The following SLC12A2 variants were observed in gnomAD, a reference collection of about 807,000 sequenced individuals.
The protein encoded by SLC12A2 is Na-K-2Cl cotransporter 1.
A neutral mutation model predicts 136.3 loss-of-function variants in SLC12A2; 67 were observed. The ratio of observed to expected loss-of-function variants is 0.49; its 90% CI spans 0.40 to 0.60. The LOEUF is 0.60. Among genes scored for constraint, SLC12A2 ranks in the 20% least tolerant of loss-of-function variants. The pLI is 0.00. For missense variants in SLC12A2, 1,322 were observed against 1,534.7 expected, an observed-to-expected ratio of 0.86 and a Z score of 2.32; for synonymous variants, 619 against 562.9, an observed-to-expected ratio of 1.10 and a Z score of -1.41.
At chr5:128,104,418 G>A (rs979812488) in intron 1 of SLC12A2, among the ~76,000 whole-genome samples, 5 of 152,026 alleles carry the variant, frequency 3.3e-5, no homozygotes, top group African/African-American at 1.2e-4. Flanking sequence ...GATCACTTGA[G>A]GTCAGGAAAG....
rs967751117 is a variant in SLC12A2, at chr5:128,188,625, G to T, written c.*1994G>T. ...ATGAATCTTGATAGACATCTATAAC[G>T]TTATTATTTTCAGTGGTGTGCAGCA... On this transcript the variant is annotated 3_prime_UTR_variant, in exon 27 of 27. Transcript: ENST00000262461. 2 of 150,662 alleles carry T rather than the reference G, an allele frequency of 1.3e-5. No homozygotes were observed. Among genetic ancestry groups the T allele is most frequent in the Admixed American group, 1.3e-4 (2 of 15,050 alleles). 9.3% of individuals were successfully genotyped at this position (150,662 alleles called of 1,614,324 possible).
In SLC12A2 at chr5:128,188,227, G is replaced by A. The variant is rs1029170368; in HGVS notation, c.*1596G>A. ...TGGAGAATACTTCGCCTAAAATACT[G>A]TTAAGTGGGTTAATTGATACAAGTT... On this transcript the variant is annotated 3_prime_UTR_variant, in exon 27 of 27. Coordinates refer to ENST00000262461, the MANE Select transcript of SLC12A2 (RefSeq NM_001046.3). The A allele has an allele frequency of 2.0e-5, 3 of 147,250 alleles. No homozygotes were observed. The highest frequency in any genetic ancestry group is 5.0e-5 in the African/African-American group (2 of 39,786). The allele number at this position is 147,250 out of a possible 1,614,324, so 9.1% of individuals were successfully genotyped here.
chr5:128,083,768 ACTCGCGCG>A lies in SLC12A2; in HGVS notation c.-181_-174del, dbSNP rs1423068974. On this transcript the variant is annotated 5_prime_UTR_variant, in exon 1 of 27. Transcript: ENST00000262461. ...GCGGGGCCCGCCCCGCGCCCGCCACACTCGCGCGCTCGCTCGGCTGCCGGTGGCCTCTG... is the reference window on the plus strand; with the variant it reads ...GCGGGGCCCGCCCCGCGCCCGCCACACTCGCTCGGCTGCCGGTGGCCTCTG... The A allele has an allele frequency of 4.0e-4, 154 of 382,214 alleles. No individual in the cohort carries two copies. The highest frequency in any genetic ancestry group is 3.4e-4 in the Non-Finnish European group (76 of 223,034). 23.7% of individuals were successfully genotyped at this position (382,214 alleles called of 1,614,324 possible). A position where few individuals can be genotyped will look rare whatever the true frequency, so the allele number is the denominator to read the frequency against.
At chr5:128,103,130 G>A (rs979298990) in intron 1 of SLC12A2, among the ~76,000 whole-genome samples, 1 of 152,102 alleles carries the variant, frequency 6.6e-6, no homozygotes, top group East Asian at 1.9e-4. Context: ...CTGGGTTAAA[G>A]GTGTGCATTT....
chr5:128,159,094 C>T (rs889054963), intron 16 of SLC12A2, among the ~76,000 whole-genome samples: 1 of 151,448 alleles, frequency 6.6e-6, no homozygotes, highest in Admixed American at 6.6e-5. Context: ...GAATTTTGAG[C>T]TCTCATTGTT....
chr5:128,185,625 G>A (rs1460159830), intron 26 of SLC12A2, among the ~76,000 whole-genome samples: 1 of 152,134 alleles, frequency 6.6e-6, no homozygotes, highest in Admixed American at 6.5e-5. Context: ...ACAGCAATTG[G>A]TCACTGCTGC....
intron 10 of SLC12A2, among the ~76,000 whole-genome samples, chr5:128,144,853 C>T (rs1000301215): frequency 2.6e-4 from 39 of 152,054 alleles, no homozygotes; most frequent in African/African-American, 9.2e-4. Flanking sequence ...CAACACACAC[C>T]CCCACACAGA....
chr5:128,183,652 G>A lies in SLC12A2; in HGVS notation c.3299+711G>A, dbSNP rs189759345. 5.1e-3 allele frequency among the ~76,000 whole-genome samples: 780 copies of A among 151,752 alleles called. 1 individual carries two copies. Among genetic ancestry groups the A allele is most frequent in the Non-Finnish European group, 8.5e-3 (578 of 67,808 alleles). On this transcript the variant is annotated intron_variant, in intron 24 of 26. Coordinates refer to ENST00000262461, the MANE Select transcript of SLC12A2 (RefSeq NM_001046.3). Reference sequence around the variant, plus strand: ...ATCTTTGGATGTAGAAATTAATTTTGCATTTCCTTAAATTTTTAGTGTCTG... The same window carrying A: ...ATCTTTGGATGTAGAAATTAATTTTACATTTCCTTAAATTTTTAGTGTCTG...
At chr5:128,161,825 T>C in intron 17 of SLC12A2, 25 bp downstream of exon 17, 5 of 1,380,796 alleles carry the variant, frequency 3.6e-6, no homozygotes, top group Non-Finnish European at 4.7e-6. Flanking sequence ...GCTTTTCAAA[T>C]GCCTACATTT....
At chr5:128,110,531 C>T in intron 1 of SLC12A2, 1 of 1,405,258 alleles carries the variant, frequency 7.1e-7, no homozygotes, top group South Asian at 1.2e-5. Flanking sequence ...CTGTATGGTC[C>T]CATTGTGAAA....
Position 128,178,563 on chromosome 5 carries a change from T to A in SLC12A2, c.2978-4T>A. Reference sequence around the variant, plus strand: ...TACATTTTATATTTTGCTTAATCCTTTAGAATCCAAAGGCCCTATTGTGCC... The same window carrying A: ...TACATTTTATATTTTGCTTAATCCTATAGAATCCAAAGGCCCTATTGTGCC... On this transcript the variant is annotated splice_polypyrimidine_tract_variant and splice_region_variant and intron_variant, in intron 21 of 26. Coordinates refer to ENST00000262461, the MANE Select transcript of SLC12A2 (RefSeq NM_001046.3). The A allele has an allele frequency of 6.4e-7, 1 of 1,556,766 alleles. No individual in the cohort carries two copies. Among genetic ancestry groups the A allele is most frequent in the Non-Finnish European group, 8.6e-7 (1 of 1,158,474 alleles).
At chr5:128,100,631 T>C (rs1238062827) in intron 1 of SLC12A2, among the ~76,000 whole-genome samples, 1 of 152,146 alleles carries the variant, frequency 6.6e-6, no homozygotes, top group East Asian at 1.9e-4. Flanking sequence ...TCCAGGTGTA[T>C]ACTAAAATGT....
At chr5:128,139,930 C>T (rs1037760174) in intron 9 of SLC12A2, among the ~76,000 whole-genome samples, 4 of 152,154 alleles carry the variant, frequency 2.6e-5, no homozygotes, top group Non-Finnish European at 4.4e-5. Flanking sequence ...TTTGAAATTT[C>T]ACTACATGAC....
intron 1 of SLC12A2, among the ~76,000 whole-genome samples, chr5:128,108,045 T>C (rs1761010382): frequency 6.6e-6 from 1 of 152,110 alleles, no homozygotes; most frequent in Non-Finnish European, 1.5e-5. Flanking sequence ...ATGATGAGCA[T>C]TTTTTCATAT....
intron 22 of SLC12A2, 51 bp downstream of exon 22, chr5:128,178,740 G>C (rs1763610030): frequency 7.1e-7 from 1 of 1,408,974 alleles, no homozygotes; most frequent in Non-Finnish European, 9.5e-7. Context: ...GACATTGTGA[G>C]AATAGTAAGA....
chr5:128,177,083 G>A (rs1387889293), intron 20 of SLC12A2, 22 bp from the exon 21 acceptor site: 1 of 1,508,068 alleles, frequency 6.6e-7, no homozygotes, highest in East Asian at 2.4e-5. Context: ...ACATATTTTT[G>A]TGTTTTTTAA....
chr5:128,112,776 A>T, intron 1 of SLC12A2, 38 bp from the exon 2 acceptor site: 2 of 1,516,234 alleles, frequency 1.3e-6, no homozygotes, highest in Non-Finnish European at 9.0e-7. Context: ...TTTAAATTTT[A>T]AATGTTAAGC....
chr5:128,131,038 GTTTT>G, intron 4 of SLC12A2, 25 bp from the exon 5 acceptor site: 1 of 1,604,950 alleles, frequency 6.2e-7, no homozygotes, highest in Non-Finnish European at 8.5e-7. Context: ...TTTAGTACCT[GTTTT>G]TTTTGTTTGT....
chr5:128,127,388 T>A (rs931019079), intron 4 of SLC12A2, among the ~76,000 whole-genome samples: 4 of 152,112 alleles, frequency 2.6e-5, no homozygotes, highest in Non-Finnish European at 4.4e-5. Context: ...GCCAAAGTGC[T>A]GGGATTACAG....
Sources: allele counts gnomAD v4.1 joint callset (sites outside exome capture counted in the v4.1 genomes callset), GRCh38; gene constraint gnomAD v4.1.1; transcripts MANE v1.5; gene names NCBI Gene and HGNC (gene_info 2026-07-23, HGNC 2026-07-21).